Variants in SEC14L5 observed in about 807,000 individuals in gnomAD.
The protein encoded by SEC14L5 is SEC14 like lipid binding 5, also known as SEC14-like protein 5.
In SEC14L5, 96 loss-of-function variants were observed where a neutral mutation model predicts 84.6. The ratio of observed to expected loss-of-function variants is 1.13; its 90% CI spans 0.96 to 1.34. The LOEUF is 1.34. SEC14L5 is among the 40% of genes most tolerant of loss of function. The pLI, the probability that SEC14L5 is intolerant of heterozygous loss-of-function variation, is 0.00. For missense variants in SEC14L5, 1,224 were observed against 942.5 expected, an observed-to-expected ratio of 1.30 and a Z score of -3.91; for synonymous variants, 546 against 383.4, an observed-to-expected ratio of 1.42 and a Z score of -4.95.
chr16:4,977,481 G>GAAAA (rs1379055036), intron 2 of SEC14L5, among the ~76,000 whole-genome samples: 2 of 86,494 alleles, frequency 2.3e-5, no homozygotes, highest in East Asian at 5.5e-4. Context: ...GAAAAAAAAA[G>GAAAA]AAAAGAAAAA....
chr16:4,996,559 C>T, intron 7 of SEC14L5, 99 bp downstream of exon 7: 1 of 662,864 alleles, frequency 1.5e-6, no homozygotes. Flanking sequence ...AATGCTGACA[C>T]ATTATCTCTT....
chr16:4,980,038 G>A (rs1206450387), intron 2 of SEC14L5, among the ~76,000 whole-genome samples: 2 of 152,186 alleles, frequency 1.3e-5, no homozygotes, highest in African/African-American at 2.4e-5. Context: ...GGTCAGACAG[G>A]CTCATGCGCC....
intron 10 of SEC14L5, among the ~76,000 whole-genome samples, chr16:5,001,430 T>G (rs1343893729): frequency 6.6e-6 from 1 of 151,964 alleles, no homozygotes; most frequent in African/African-American, 2.4e-5. Flanking sequence ...GACTAATTTT[T>G]TTGTATTTTT....
At chr16:4,982,323 C>T (rs1488782402) in intron 2 of SEC14L5, among the ~76,000 whole-genome samples, 1 of 152,152 alleles carries the variant, frequency 6.6e-6, no homozygotes, top group Admixed American at 6.5e-5. Flanking sequence ...TTCCGGGGCA[C>T]GTGGGCTGTG....
At chr16:4,967,566 T>TA (rs1568104318) in intron 2 of SEC14L5, among the ~76,000 whole-genome samples, 1 of 57,276 alleles carries the variant, frequency 1.7e-5, no homozygotes. Context: ...TCTTTCGTTT[T>TA]TTTTTTTTTT....
chr16:5,014,040 T>G (rs1188264030), intron 15 of SEC14L5, among the ~76,000 whole-genome samples: 1 of 152,222 alleles, frequency 6.6e-6, no homozygotes, highest in African/African-American at 2.4e-5. Flanking sequence ...TGCTGCCAGT[T>G]CCCAGACCAT....
intron 14 of SEC14L5, among the ~76,000 whole-genome samples, chr16:5,009,616 G>C (rs1171854290): frequency 6.6e-6 from 1 of 152,108 alleles, no homozygotes; most frequent in African/African-American, 2.4e-5. Flanking sequence ...GAGCCACCAT[G>C]GCTGGCCTCA....
At chr16:5,003,301 C>T in intron 10 of SEC14L5, 101 bp from the exon 11 acceptor site, 1 of 870,638 alleles carries the variant, frequency 1.1e-6, no homozygotes, top group Non-Finnish European at 1.8e-6. Flanking sequence ...CTGCTCCCAG[C>T]CCTATCTCTC....
intron 11 of SEC14L5, among the ~76,000 whole-genome samples, chr16:5,004,004 A>G (rs1022468976): frequency 6.6e-6 from 1 of 152,230 alleles, no homozygotes; most frequent in Non-Finnish European, 1.5e-5. Context: ...ACCCACGCCC[A>G]CACACACACT....
intron 6 of SEC14L5, among the ~76,000 whole-genome samples, chr16:4,995,942 AGT>A (rs1426959825): frequency 6.6e-6 from 1 of 152,102 alleles, no homozygotes; most frequent in Non-Finnish European, 1.5e-5. Flanking sequence ...TCTTCTCTAA[AGT>A]GGGGATAATA....
chr16:4,959,235 G>A lies in SEC14L5; in HGVS notation c.-51-38G>A, dbSNP rs1955088948. On this transcript the variant is annotated intron_variant, in intron 1 of 15. Transcript: ENST00000251170. ...GTGGGTGGTGTCCCTGCTTCCCGAGGTGGGAGCTGCAACCTCACCAGTCAC... is the reference window on the plus strand; with the variant it reads ...GTGGGTGGTGTCCCTGCTTCCCGAGATGGGAGCTGCAACCTCACCAGTCAC... 14 of 990,216 alleles carry A rather than the reference G, an allele frequency of 1.4e-5. No individual in the cohort carries two copies. The Admixed American group carries it at 2.1e-4, about 15-fold the overall frequency. The allele number at this position is 990,216 out of a possible 1,614,324, so 61.3% of individuals were successfully genotyped here.
intron 2 of SEC14L5, among the ~76,000 whole-genome samples, chr16:4,960,201 C>A (rs1955103368): frequency 6.6e-6 from 1 of 152,168 alleles, no homozygotes; most frequent in Non-Finnish European, 1.5e-5. Context: ...CACTTCACTT[C>A]CCTGCTCAGT....
intron 11 of SEC14L5, among the ~76,000 whole-genome samples, chr16:5,004,951 C>T (rs963914923): frequency 6.6e-6 from 1 of 152,164 alleles, no homozygotes. Flanking sequence ...ACCTCGAAAA[C>T]CTGATGCTCA....
At chr16:4,976,982 C>G (rs187694848) in intron 2 of SEC14L5, among the ~76,000 whole-genome samples, 12 of 152,256 alleles carry the variant, frequency 7.9e-5, no homozygotes, top group African/African-American at 2.9e-4. Flanking sequence ...GTCCCGTCAG[C>G]TGTTTGATCC....
At chr16:4,966,755 C>T (rs1255173974) in intron 2 of SEC14L5, among the ~76,000 whole-genome samples, 1 of 152,176 alleles carries the variant, frequency 6.6e-6, no homozygotes, top group African/African-American at 2.4e-5. Flanking sequence ...ATTTACACCC[C>T]AACTATGAGC....
At chr16:4,982,738 G>A (rs562719195) in intron 2 of SEC14L5, among the ~76,000 whole-genome samples, 1 of 152,314 alleles carries the variant, frequency 6.6e-6, no homozygotes, top group Non-Finnish European at 1.5e-5. Context: ...ACCCACAGCA[G>A]TTTGCTCAGT....
At chr16:4,992,068 C>A (rs747408329) in intron 6 of SEC14L5, 38 bp downstream of exon 6, 6 of 1,378,312 alleles carry the variant, frequency 4.4e-6, no homozygotes, top group Non-Finnish European at 5.8e-6. Flanking sequence ...CCCTAGGAGG[C>A]TGCTGCAGGT....
intron 2 of SEC14L5, among the ~76,000 whole-genome samples, chr16:4,972,954 C>G (rs962332660): frequency 6.6e-6 from 1 of 152,220 alleles, no homozygotes; most frequent in Non-Finnish European, 1.5e-5. Flanking sequence ...CTCATTCATT[C>G]GTCCTGTAAA....
At position 4,976,315 on chromosome 16, in the gene SEC14L5, A is replaced by C. The variant is rs76701141; in HGVS notation, c.64-11242A>C. Among the ~76,000 whole-genome samples the C allele has an allele frequency of 5.7e-3, 875 of 152,324 alleles. 4 individuals carry two copies. Among genetic ancestry groups the C allele is most frequent in the African/African-American group, 0.019 (808 of 41,578 alleles). Reference sequence around the variant, plus strand: ...GAGCAGAGATCCCAACCCAGGCCCCAGAGCCCACTCTCTTAAGGGCGGTGC... The same window carrying C: ...GAGCAGAGATCCCAACCCAGGCCCCCGAGCCCACTCTCTTAAGGGCGGTGC... On this transcript the variant is annotated intron_variant, in intron 2 of 15. Transcript: ENST00000251170.
Sources: allele counts gnomAD v4.1 joint callset (sites outside exome capture counted in the v4.1 genomes callset), GRCh38; gene constraint gnomAD v4.1.1; transcripts MANE v1.5; gene names NCBI Gene and HGNC (gene_info 2026-07-23, HGNC 2026-07-21).